Variants in DACH2 observed in about 807,000 individuals in gnomAD.
DACH2 encodes the protein dachshund family transcription factor 2.
A neutral mutation model predicts 35.8 loss-of-function variants in DACH2; 17 were observed. The observed-to-expected ratio is 0.48, with a 90% confidence interval of 0.33 to 0.71. The LOEUF is 0.71. Ranked by LOEUF, DACH2 falls within the 30% of genes least tolerant of loss-of-function variation. DACH2 has a pLI of 0.02. For missense variants in DACH2, 469 were observed against 472.7 expected (o/e 0.99, Z 0.07); for synonymous variants, 195 against 177.3 (o/e 1.10, Z -0.79).
chrX:86,416,926 A>G lies in DACH2; in HGVS notation c.527+40064A>G, dbSNP rs961315636. On this transcript the variant is annotated intron_variant, in intron 2 of 11. Transcript: ENST00000373125. ...CTGGCCAATATGGCGAAACCCCGTC[A>G]CTACTAAAAATGCAAAAATTAGCCA... Among the ~76,000 whole-genome samples, 33 of 108,934 alleles carry G rather than the reference A, an allele frequency of 3.0e-4. 1 individual carries two copies. The highest frequency in any genetic ancestry group is 9.7e-4 in the African/African-American group (29 of 29,845). The allele number at this position is 108,934 out of a possible 115,157, so 94.6% of individuals were successfully genotyped here. A position where few individuals can be genotyped will look rare whatever the true frequency, so the allele number is the denominator to read the frequency against.
chrX:86,803,823 A>G (rs1249459026), intron 7 of DACH2, among the ~76,000 whole-genome samples: 1 of 111,105 alleles, frequency 9.0e-6, no homozygotes, highest in Non-Finnish European at 1.9e-5. Flanking sequence ...ACAGAACAAA[A>G]TAAATTGTCT....
At chrX:86,426,157 A>T (rs1030183142) in intron 2 of DACH2, among the ~76,000 whole-genome samples, 1 of 111,575 alleles carries the variant, frequency 9.0e-6, no homozygotes, top group Non-Finnish European at 1.9e-5. Context: ...CTTTGTGTAC[A>T]CATAAAGTTA....
At chrX:86,262,538 C>G (rs1241390419) in intron 1 of DACH2, among the ~76,000 whole-genome samples, 1 of 110,810 alleles carries the variant, frequency 9.0e-6, no homozygotes, top group Non-Finnish European at 1.9e-5. Context: ...ATGTGATGAG[C>G]AGATGACTAT....
At chrX:86,602,280 T>C (rs2039799824) in intron 3 of DACH2, among the ~76,000 whole-genome samples, 1 of 112,392 alleles carries the variant, frequency 8.9e-6, no homozygotes, top group South Asian at 3.7e-4. Context: ...GCTTATGGTT[T>C]CTGCCAATTG....
At chrX:86,473,059 T>C (rs2037785163) in intron 2 of DACH2, among the ~76,000 whole-genome samples, 1 of 111,805 alleles carries the variant, frequency 8.9e-6, no homozygotes, top group Non-Finnish European at 1.9e-5. Context: ...TATACATTTA[T>C]GGGTTACATG....
At chrX:86,305,688 C>G (rs754905260) in intron 1 of DACH2, among the ~76,000 whole-genome samples, 1 of 108,855 alleles carries the variant, frequency 9.2e-6, no homozygotes, top group Non-Finnish European at 1.9e-5. Context: ...GACAAGGGGT[C>G]GATATCAGGA....
chrX:86,471,002 G>GT (rs1489262340), intron 2 of DACH2, among the ~76,000 whole-genome samples: 4 of 110,934 alleles, frequency 3.6e-5, no homozygotes, highest in South Asian at 3.8e-4. Context: ...AATTAAAGGT[G>GT]TTTTTTAAAA....
intron 1 of DACH2, among the ~76,000 whole-genome samples, chrX:86,264,185 G>A (rs1425290243): frequency 1.8e-5 from 2 of 111,776 alleles, no homozygotes; most frequent in Non-Finnish European, 3.8e-5. Context: ...TTCATCTAGA[G>A]GGTTGAGCAA....
At chrX:86,737,313 A>G (rs1281150461) in intron 6 of DACH2, among the ~76,000 whole-genome samples, 1 of 111,788 alleles carries the variant, frequency 8.9e-6, no homozygotes, top group East Asian at 2.8e-4. Context: ...CAGACTAAAT[A>G]TAAAAGAAAT....
intron 1 of DACH2, among the ~76,000 whole-genome samples, chrX:86,235,556 T>C (rs1424520502): frequency 1.8e-5 from 2 of 112,347 alleles, no homozygotes; most frequent in Non-Finnish European, 3.7e-5. Flanking sequence ...AAATGTTCCA[T>C]TGGCTGAAAC....
chrX:86,790,608 G>A (rs1025016957), intron 7 of DACH2, among the ~76,000 whole-genome samples: 3 of 111,580 alleles, frequency 2.7e-5, no homozygotes, highest in Non-Finnish European at 5.6e-5. Context: ...GTACAGTGAT[G>A]CAATCATATC....
chrX:86,818,274 A>G (rs192770298), intron 11 of DACH2, among the ~76,000 whole-genome samples: 356 of 111,477 alleles, frequency 3.2e-3, no homozygotes, highest in Non-Finnish European at 5.5e-3. Context: ...GTAGAATCAC[A>G]ATTTAATCAA....
intron 1 of DACH2, among the ~76,000 whole-genome samples, chrX:86,258,937 G>A (rs2033574921): frequency 9.0e-6 from 1 of 111,705 alleles, no homozygotes; most frequent in Admixed American, 9.6e-5. Flanking sequence ...GAGTTGAGGA[G>A]ACTTTGGTTA....
chrX:86,155,961 A>G (rs1037932218), intron 1 of DACH2, among the ~76,000 whole-genome samples: 4 of 111,065 alleles, frequency 3.6e-5, no homozygotes, highest in Admixed American at 9.6e-5. Context: ...ACTTCAATAA[A>G]TTATGGAAAA....
At chrX:86,400,606 C>T (rs895433474) in intron 2 of DACH2, among the ~76,000 whole-genome samples, 8 of 111,846 alleles carry the variant, frequency 7.2e-5, no homozygotes, top group Non-Finnish European at 1.3e-4. Context: ...CAGTCAGGAC[C>T]CTCAGCTGCA....
chrX:86,651,756 G>T (rs2040480736), intron 4 of DACH2, among the ~76,000 whole-genome samples: 1 of 110,754 alleles, frequency 9.0e-6, no homozygotes, highest in South Asian at 3.8e-4. Context: ...TTTACCCCGT[G>T]ATCATTGTAC....
chrX:86,568,324 A>G lies in DACH2; in HGVS notation c.640+53933A>G, dbSNP rs192224691. ...AAGATGTGTCAATATAGGTTCATCA[A>G]TTGTAACAAATGCACCACTCTGGTG... is the stretch of plus-strand genomic sequence containing the variant. On this transcript the variant is annotated intron_variant, in intron 3 of 11. Coordinates refer to ENST00000373125, the MANE Select transcript of DACH2 (RefSeq NM_053281.3). Among the ~76,000 whole-genome samples the G allele has an allele frequency of 4.5e-5, 5 of 111,380 alleles. No individual in the cohort carries two copies. In the East Asian group the frequency reaches 1.1e-3, roughly 25 times the overall value.
chrX:86,162,083 TTTTTTA>T lies in DACH2; in HGVS notation c.488+12981_488+12986del, dbSNP rs1390936771. Among the ~76,000 whole-genome samples the T allele has an allele frequency of 3.6e-5, 4 of 111,882 alleles. No homozygotes were observed. The East Asian group carries it at 8.4e-4, about 23-fold the overall frequency. On this transcript the variant is annotated intron_variant, in intron 1 of 11. Coordinates refer to ENST00000373125, the MANE Select transcript of DACH2 (RefSeq NM_053281.3). ...TTCAGTTTGGTATTTTGTTTCTTTT[TTTTTTA>T]TTTTTGTTTTTTTGTTTCCAAGATG...
chrX:86,232,730 T>C (rs1376110108), intron 1 of DACH2, among the ~76,000 whole-genome samples: 1 of 112,465 alleles, frequency 8.9e-6, no homozygotes, highest in African/African-American at 3.2e-5. Context: ...GGAATGCTTA[T>C]ACGCTGTTGG....
Sources: allele counts gnomAD v4.1 joint callset (sites outside exome capture counted in the v4.1 genomes callset), GRCh38; gene constraint gnomAD v4.1.1; transcripts MANE v1.5; gene names NCBI Gene and HGNC (gene_info 2026-07-23, HGNC 2026-07-21).